Variants in FBXO39 observed in about 807,000 individuals in gnomAD.
The protein encoded by FBXO39 is F-box only protein 39.
A neutral mutation model predicts 36.6 loss-of-function variants in FBXO39; 22 were observed. The ratio of observed to expected loss-of-function variants is 0.60; its 90% CI spans 0.43 to 0.86. The LOEUF is 0.86. Among genes scored for constraint, FBXO39 ranks in the 40% least tolerant of loss-of-function variants. FBXO39 has a pLI of 0.00. For missense variants in FBXO39, 536 were observed against 543.9 expected (o/e 0.99, Z 0.14); for synonymous variants, 206 against 205.8 (o/e 1.00, Z -0.01).
At chr17:6,786,214 G>T (rs1976567976) in intron 2 of FBXO39, among the ~76,000 whole-genome samples, 1 of 152,162 alleles carries the variant, frequency 6.6e-6, no homozygotes, top group African/African-American at 2.4e-5. Flanking sequence ...TGCAACTGAG[G>T]TTGTTATGTT....
intron 3 of FBXO39, 55 bp from the exon 4 acceptor site, chr17:6,787,245 T>TGCGCGC (rs796954649): frequency 1.6e-5 from 25 of 1,543,778 alleles, no homozygotes; most frequent in South Asian, 2.3e-5. Context: ...TGTATGTGTG[T>TGCGCGC]GTGTGTGTGC....
chr17:6,783,677 G>A (rs1184998581), intron 2 of FBXO39, among the ~76,000 whole-genome samples: 7 of 151,892 alleles, frequency 4.6e-5, no homozygotes, highest in African/African-American at 1.2e-4. Flanking sequence ...TCCTACACAC[G>A]TACAAACTAC....
rs138086783 is a variant in FBXO39 at position 6,777,353 on chromosome 17, T to A, written c.-81+1081T>A. ...CAACTCCCACTTATGAGTGAGAACA[T>A]GCAGTGTTTGATTTCCTGTTCCTGC... On this transcript the variant is annotated intron_variant, in intron 1 of 3. Coordinates refer to ENST00000321535, the MANE Select transcript of FBXO39 (RefSeq NM_153230.3). 7.1e-4 allele frequency among the ~76,000 whole-genome samples: 108 copies of A among 152,246 alleles called. 1 individual carries two copies. Among genetic ancestry groups the A allele is most frequent in the African/African-American group, 2.6e-3 (107 of 41,534 alleles).
At chr17:6,776,708 T>C (rs1000058173) in intron 1 of FBXO39, among the ~76,000 whole-genome samples, 32 of 152,314 alleles carry the variant, frequency 2.1e-4, no homozygotes, top group Non-Finnish European at 4.4e-5. Context: ...AGCTCTTGTA[T>C]AGCGTTTACT....
chr17:6,784,389 C>A (rs567414780), intron 2 of FBXO39, among the ~76,000 whole-genome samples: 2 of 152,166 alleles, frequency 1.3e-5, no homozygotes, highest in South Asian at 4.2e-4. Context: ...TGCCATTCAA[C>A]ATAGTACTGG....
rs750586807 is a variant in FBXO39, at chr17:6,780,713, A to G, written c.845A>G (p.Asn282Ser). Residue 282 changes from asparagine (N) to serine (S), a missense_variant, in exon 2 of 4, where the codon AAT (asparagine) becomes AGT (serine). Transcript: ENST00000321535. ...GCCAAGCTGGCCAGGCAGGCCACCA[A>G]TCTGAAGGTGAACTTCTTCTTTGAA... ...SWAKLARQAT[N>S]LKVNFFFERI... 31 of 1,614,176 alleles carry G rather than the reference A, an allele frequency of 1.9e-5. No homozygotes were observed. The highest frequency in any genetic ancestry group is 2.5e-5 in the Non-Finnish European group (29 of 1,180,024).
At position 6,787,119 on chromosome 17, in the gene FBXO39, G is replaced by T. The variant is rs114945132; in HGVS notation, c.1200+163G>T. The stretch of plus-strand genomic sequence containing the variant: ...GAATCTGGAGCTCTCTTTTCTAGTA[G>T]TTGGGTTTGGTCTTTTTCTGATTCT... On this transcript the variant is annotated intron_variant, in intron 3 of 3. Transcript: ENST00000321535. Among the ~76,000 whole-genome samples, 292 of 152,264 alleles carry T rather than the reference G, an allele frequency of 1.9e-3. 1 individual carries two copies. Among genetic ancestry groups the T allele is most frequent in the African/African-American group, 6.9e-3 (285 of 41,548 alleles).
chr17:6,779,845 T>C lies in FBXO39; in HGVS notation c.-24T>C. Reference sequence around the variant, plus strand: ...TTGGAAGCCCTGCCTAACACACAGCTGCACTGTACATCCCAGTTCCTGGAT... The same window carrying C: ...TTGGAAGCCCTGCCTAACACACAGCCGCACTGTACATCCCAGTTCCTGGAT... On this transcript the variant is annotated 5_prime_UTR_variant, in exon 2 of 4. Transcript: ENST00000321535. 2.5e-6 allele frequency: 4 copies of C among 1,609,932 alleles called. No individual in the cohort carries two copies. The highest frequency in any genetic ancestry group is 2.5e-6 in the Non-Finnish European group (3 of 1,177,818).
chr17:6,781,769 T>C (rs1181202939), intron 2 of FBXO39, among the ~76,000 whole-genome samples: 1 of 152,198 alleles, frequency 6.6e-6, no homozygotes, highest in African/African-American at 2.4e-5. Flanking sequence ...TCTCTTCCTC[T>C]AAGAACTACA....
At position 6,780,883 on chromosome 17, in the gene FBXO39, A is replaced by G; in HGVS notation, c.1015A>G (p.Thr339Ala). The G allele has an allele frequency of 6.2e-7, 1 of 1,610,416 alleles. No homozygotes were observed. Residue 339 changes from threonine (T) to alanine (A), a missense_variant, in exon 2 of 4, where the codon ACT becomes GCT. Coordinates refer to ENST00000321535, the MANE Select transcript of FBXO39 (RefSeq NM_153230.3). ...LIDLLPTFRHTLQKLTCEFNN... is the reference protein window; with the variant it reads ...LIDLLPTFRHALQKLTCEFNN... ...AGATCTCCTGCCCACCTTCCGGCAC[A>G]CTCTGCAGGTAGGTAGGACTTGTGA...
chr17:6,780,076 G>T lies in FBXO39; in HGVS notation c.208G>T (p.Val70Leu). ...CACCTTCAGCGGGAGACCTTCCAGG[G>T]TACATGCATCTGAAGTTGAGTCAGC... ...TITFSGRPSR[V>L]HASEVESAVW... The change falls in exon 2 of 4, where the codon GTA becomes TTA. Residue 70 changes from valine (V) to leucine (L), a missense_variant. Val to Leu is a conservative substitution (Grantham distance 32). Coordinates refer to ENST00000321535, the MANE Select transcript of FBXO39 (RefSeq NM_153230.3). 6.2e-7 allele frequency: 1 copy of T among 1,614,208 alleles called. No homozygotes were observed. Among genetic ancestry groups the T allele is most frequent in the South Asian group, 1.1e-5 (1 of 91,076 alleles).
Position 6,779,861 on chromosome 17 carries a change from G to T in FBXO39, c.-8G>T. 1 of 1,613,506 alleles carries T rather than the reference G, an allele frequency of 6.2e-7. No homozygotes were observed. The highest frequency in any genetic ancestry group is 8.5e-7 in the Non-Finnish European group (1 of 1,179,844). ...ACACACAGCTGCACTGTACATCCCA[G>T]TTCCTGGATGGACGAAGAAAGTGAA... is the stretch of plus-strand genomic sequence containing the variant. On this transcript the variant is annotated 5_prime_UTR_variant, in exon 2 of 4. Coordinates refer to ENST00000321535, the MANE Select transcript of FBXO39 (RefSeq NM_153230.3).
chr17:6,778,414 G>A (rs760089472), intron 1 of FBXO39, among the ~76,000 whole-genome samples: 33 of 152,108 alleles, frequency 2.2e-4, no homozygotes, highest in Non-Finnish European at 7.4e-5. Context: ...AAGAGGTGGG[G>A]ACAGGAAAAA....
chr17:6,784,917 TTA>T (rs71157214), intron 2 of FBXO39, among the ~76,000 whole-genome samples: 8,272 of 129,984 alleles, frequency 0.064, 309 homozygotes, highest in Admixed American at 0.097. Context: ...AATCTTAAAT[TTA>T]TATATATATA....
rs1244658497 is a variant in FBXO39 at position 6,780,506 on chromosome 17, G to A, written c.638G>A (p.Ser213Asn). The A allele has an allele frequency of 1.9e-6, 3 of 1,614,082 alleles. No homozygotes were observed. The South Asian group carries it at 3.3e-5, about 18-fold the overall frequency. Residue 213 changes from serine (S) to asparagine (N), a missense_variant, in exon 2 of 4, where the codon AGC becomes AAC. By Grantham distance (46) the Ser-to-Asn change is conservative. Transcript: ENST00000321535. Reference sequence around the variant, plus strand: ...AGCCATCACCTTGCTGTCTACAACAGCCCCCAGTTCAAAAAGACCATGTCC... The same window carrying A: ...AGCCATCACCTTGCTGTCTACAACAACCCCCAGTTCAAAAAGACCATGTCC... ...YFSHHLAVYN[S>N]PQFKKTMSTF...
At chr17:6,786,496 G>T in intron 2 of FBXO39, among the ~76,000 whole-genome samples, 1 of 152,130 alleles carries the variant, frequency 6.6e-6, no homozygotes, top group South Asian at 2.1e-4. Flanking sequence ...AAAACTAAAA[G>T]AGTATAATTG....
At position 6,787,253 on chromosome 17, in the gene FBXO39, T is replaced by TGTGTGC. The variant is rs138181464; in HGVS notation, c.1201-46_1201-45insTGTGCG. The TGTGTGC allele has an allele frequency of 1.1e-3, 1,715 of 1,551,022 alleles. 13 individuals carry two copies. The highest frequency in any genetic ancestry group is 0.011 in the South Asian group (961 of 87,422). ...GTGTGTGTGTATGTGTGTGTGTGTG[T>TGTGTGC]GCGTGTGTGCGTGCTCATATGTGGA... On this transcript the variant is annotated intron_variant, in intron 3 of 3. Coordinates refer to ENST00000321535, the MANE Select transcript of FBXO39 (RefSeq NM_153230.3).
intron 2 of FBXO39, among the ~76,000 whole-genome samples, chr17:6,782,788 G>A (rs1057472780): frequency 6.6e-5 from 10 of 152,086 alleles, no homozygotes; most frequent in Admixed American, 3.3e-4. Flanking sequence ...TATTATTAGA[G>A]CTAAAGAGAG....
chr17:6,780,697 G>T lies in FBXO39; in HGVS notation c.829G>T (p.Ala277Ser). Residue 277 changes from alanine (A) to serine (S), a missense_variant, in exon 2 of 4, where the codon GCC becomes TCC. Ala to Ser is a moderately conservative substitution (Grantham distance 99). Coordinates refer to ENST00000321535, the MANE Select transcript of FBXO39 (RefSeq NM_153230.3). ...VIWGMSWAKL[A>S]RQATNLKVNF... Reference sequence around the variant, plus strand: ...CTGGGGTATGTCCTGGGCCAAGCTGGCCAGGCAGGCCACCAATCTGAAGGT... The same window carrying T: ...CTGGGGTATGTCCTGGGCCAAGCTGTCCAGGCAGGCCACCAATCTGAAGGT... 4 of 1,614,158 alleles carry T rather than the reference G, an allele frequency of 2.5e-6. No homozygotes were observed. Among genetic ancestry groups the T allele is most frequent in the Non-Finnish European group, 3.4e-6 (4 of 1,180,032 alleles).
Sources: allele counts gnomAD v4.1 joint callset (sites outside exome capture counted in the v4.1 genomes callset), GRCh38; gene constraint gnomAD v4.1.1; transcripts MANE v1.5; gene names NCBI Gene and HGNC (gene_info 2026-07-23, HGNC 2026-07-21).